The following AAAS variants were observed in gnomAD, a reference collection of about 807,000 sequenced individuals.
The protein encoded by AAAS is aladin WD repeat nucleoporin.
In AAAS, 60 loss-of-function variants were observed where a neutral mutation model predicts 75.6. The ratio of observed to expected loss-of-function variants is 0.79; its 90% CI spans 0.64 to 0.98. The LOEUF is 0.98. Ranked by LOEUF, AAAS falls within the 50% of genes least tolerant of loss-of-function variation. The pLI, the probability that AAAS is intolerant of heterozygous loss-of-function variation, is 0.00. For missense variants in AAAS, 658 were observed against 686.9 expected (o/e 0.96, Z 0.47); for synonymous variants, 271 against 265.0 (o/e 1.02, Z -0.22).
intron 2 of AAAS, among the ~76,000 whole-genome samples, chr12:53,320,283 G>C (rs1311271655): frequency 6.6e-6 from 1 of 152,142 alleles, no homozygotes; most frequent in African/African-American, 2.4e-5. Flanking sequence ...GCAGGGAGCA[G>C]GTTCACCTAA....
Position 53,309,252 on chromosome 12 carries a change from G to A in AAAS, c.840C>T (p.Val280=). 1.2e-6 allele frequency: 2 copies of A among 1,614,076 alleles called. No individual in the cohort carries two copies. The highest frequency in any genetic ancestry group is 2.2e-5 in the South Asian group (2 of 91,076). Residue 280 remains valine (V), a synonymous_variant, in exon 9 of 16, where the codon GTC becomes GTT. Coordinates refer to ENST00000209873, the MANE Select transcript of AAAS (RefSeq NM_015665.6). The part of the protein sequence containing the change: ...RVWDVSTETC[V]PLPWFRGGGV... ...CACCTCCTCGGAACCAGGGAAGGGG[G>A]ACACAGGTCTCTGTTGAGACATCCC... is the stretch of plus-strand genomic sequence containing the variant.
At chr12:53,316,604 T>C (rs1944466069) in intron 2 of AAAS, among the ~76,000 whole-genome samples, 2 of 145,468 alleles carry the variant, frequency 1.4e-5, no homozygotes, top group African/African-American at 5.2e-5. Context: ...TGTTGAAAAA[T>C]ATGAAAATTA....
rs530196781 is a variant in AAAS at position 53,315,391 on chromosome 12, G to A, written c.343C>T (p.Leu115=). ...GAAGAGGCCCATCGACAGAGTGCCA[G>A]GGCCCAGCCGGATGCCGTCTTCACC... ...EWVKTASGWA[L]ALCRWASSLH... The change falls in exon 4 of 16, where the codon CTG becomes TTG. Residue 115 remains leucine, a synonymous_variant. Coordinates refer to ENST00000209873, the MANE Select transcript of AAAS (RefSeq NM_015665.6). The A allele has an allele frequency of 1.4e-5, 23 of 1,613,924 alleles. No individual in the cohort carries two copies. The South Asian group carries it at 2.3e-4, about 16-fold the overall frequency.
chr12:53,318,261 T>TGC lies in AAAS; in HGVS notation c.251+2303_251+2304insGC, dbSNP rs1192274749. The stretch of plus-strand genomic sequence containing the variant: ...GTGTGTGTGCGTGTGTGTGTGTGTG[T>TGC]GTGTGTGTGTGTTAAGACGGAGTCT... On this transcript the variant is annotated intron_variant, in intron 2 of 15. Coordinates refer to ENST00000209873, the MANE Select transcript of AAAS (RefSeq NM_015665.6). Among the ~76,000 whole-genome samples, 196 of 148,676 alleles carry TGC rather than the reference T, an allele frequency of 1.3e-3. 2 individuals carry two copies. Among genetic ancestry groups the TGC allele is most frequent in the African/African-American group, 4.8e-3 (189 of 39,170 alleles).
At chr12:53,309,503 C>A (rs1036001980) in intron 8 of AAAS, 98 bp downstream of exon 8, 1 of 1,598,318 alleles carries the variant, frequency 6.3e-7, no homozygotes, top group African/African-American at 1.3e-5. Flanking sequence ...ACTGAATGGA[C>A]CAAGGTCCCT....
At chr12:53,312,311 C>T (rs928686348) in intron 7 of AAAS, among the ~76,000 whole-genome samples, 3 of 152,130 alleles carry the variant, frequency 2.0e-5, no homozygotes, top group Non-Finnish European at 4.4e-5. Context: ...CACGGTGGCT[C>T]ACTTCTATAA....
chr12:53,318,340 T>C (rs1433724826), intron 2 of AAAS, among the ~76,000 whole-genome samples: 1 of 151,944 alleles, frequency 6.6e-6, no homozygotes, highest in East Asian at 1.9e-4. Context: ...CACTGCAACC[T>C]CTACCTCCTG....
chr12:53,313,171 T>C (rs1944416608), intron 7 of AAAS, among the ~76,000 whole-genome samples: 1 of 147,734 alleles, frequency 6.8e-6, no homozygotes, highest in African/African-American at 2.5e-5. Context: ...TTTTTTTTTT[T>C]TTTTGAGACA....
intron 14 of AAAS, 21 bp from the exon 15 acceptor site, chr12:53,307,950 G>A (rs1673451348): frequency 1.2e-6 from 2 of 1,613,794 alleles, no homozygotes; most frequent in Non-Finnish European, 1.7e-6. Flanking sequence ...AGGTGAGCAG[G>A]CAACCGGAGG....
intron 2 of AAAS, among the ~76,000 whole-genome samples, chr12:53,318,239 T>TGTGTGTGTGC (rs1471229120): frequency 5.4e-5 from 7 of 130,688 alleles, no homozygotes; most frequent in Non-Finnish European, 7.9e-5. Flanking sequence ...TGTGTGTGTG[T>TGTGTGTGTGC]GTGTGCGTGT....
At chr12:53,310,761 T>C (rs1014642806) in intron 7 of AAAS, among the ~76,000 whole-genome samples, 4 of 152,198 alleles carry the variant, frequency 2.6e-5, no homozygotes, top group African/African-American at 9.7e-5. Flanking sequence ...GAAGTCTTAG[T>C]CATGGATGTA....
In AAAS at chr12:53,315,131, C is replaced by T. The variant is rs767269111; in HGVS notation, c.409G>A (p.Glu137Lys). ...TGGGCAAATTCAGCGATCAGATCTT[C>T]GCTCCTGAGCTGTAAGAACAAGATA... ...SLFPHLSLRS[E>K]DLIAEFAQVT... is the part of the protein sequence containing the mutation. The change falls in exon 5 of 16, where the codon GAA becomes AAA. Residue 137 changes from glutamate to lysine, a missense_variant. Coordinates refer to ENST00000209873, the MANE Select transcript of AAAS (RefSeq NM_015665.6). 10 of 1,614,134 alleles carry T rather than the reference C, an allele frequency of 6.2e-6. No homozygotes were observed. Among genetic ancestry groups the T allele is most frequent in the South Asian group, 1.1e-5 (1 of 91,070 alleles).
At chr12:53,316,766 A>C (rs1468962433) in intron 2 of AAAS, among the ~76,000 whole-genome samples, 27 of 73,298 alleles carry the variant, frequency 3.7e-4, no homozygotes, top group Admixed American at 3.3e-3. Context: ...ATCTCAGACA[A>C]AAAAAAAAAA....
At chr12:53,320,788 G>C (rs1356576989) in intron 1 of AAAS, 96 bp from the exon 2 acceptor site, 13 of 1,405,378 alleles carry the variant, frequency 9.3e-6, no homozygotes, top group Non-Finnish European at 1.3e-5. Flanking sequence ...CTAAGTATAA[G>C]AGATTCCAGA....
At position 53,307,881 on chromosome 12, in the gene AAAS, G is replaced by C; in HGVS notation, c.1380C>G (p.Phe460Leu). The C allele has an allele frequency of 6.2e-7, 1 of 1,614,228 alleles. No individual in the cohort carries two copies. The highest frequency in any genetic ancestry group is 8.5e-7 in the Non-Finnish European group (1 of 1,180,046). Reference protein sequence around the residue: ...EPGAQPQLITFHPSFNKGALL... With the variant: ...EPGAQPQLITLHPSFNKGALL... Reference sequence around the variant, plus strand: ...GGGCCCCTTTGTTGAAGGAAGGATGGAAAGTGATGAGCTGGGGCTGGGCTC... The same window carrying C: ...GGGCCCCTTTGTTGAAGGAAGGATGCAAAGTGATGAGCTGGGGCTGGGCTC... Residue 460 changes from phenylalanine to leucine, a missense_variant, in exon 15 of 16, where the codon TTC becomes TTG. Physicochemically the swap from Phe to Leu is conservative, Grantham distance 22. Coordinates refer to ENST00000209873, the MANE Select transcript of AAAS (RefSeq NM_015665.6).
rs1057090512 is a variant in AAAS, at chr12:53,321,287, T to C, written c.123+56A>G. 15 of 1,596,866 alleles carry C rather than the reference T, an allele frequency of 9.4e-6. No individual in the cohort carries two copies. In the Admixed American group the frequency reaches 1.7e-4, roughly 18 times the overall value. ...CTGTCACACTGCCTCCTTTCCCCAG[T>C]AGTCCCCGACTCCGCCCCCATGCCT... On this transcript the variant is annotated intron_variant, in intron 1 of 15. Transcript: ENST00000209873.
At chr12:53,320,499 A>C (rs549138709) in intron 2 of AAAS, 66 bp downstream of exon 2, 6 of 1,600,252 alleles carry the variant, frequency 3.7e-6, no homozygotes, top group East Asian at 2.2e-5. Flanking sequence ...CCCAAGGTAA[A>C]GGGGTGTTGA....
At chr12:53,309,089 A>G in intron 9 of AAAS, 68 bp downstream of exon 9, 2 of 1,614,198 alleles carry the variant, frequency 1.2e-6, no homozygotes, top group South Asian at 2.2e-5. Flanking sequence ...ACCTCCCTTG[A>G]CAGAGCTTCC....
chr12:53,315,659 G>C, intron 3 of AAAS, 68 bp downstream of exon 3: 2 of 1,564,276 alleles, frequency 1.3e-6, no homozygotes, highest in Non-Finnish European at 1.8e-6. Flanking sequence ...AGGTGTCGGG[G>C]GTGAGTTCAA....
Sources: gnomAD v4.1 joint callset for allele counts (sites outside exome capture counted in the v4.1 genomes callset) on GRCh38, gnomAD v4.1.1 for gene constraint, MANE v1.5 for transcripts, NCBI Gene and HGNC (gene_info 2026-07-23, HGNC 2026-07-21) for gene names.